The following NLRP2 variants were observed in gnomAD, a reference collection of about 807,000 sequenced individuals.
NLRP2 encodes the protein NLR family pyrin domain containing 2.
NLRP2 carries 107 observed loss-of-function variants against 97.2 expected under a neutral mutation model. The ratio of observed to expected loss-of-function variants is 1.10; its 90% confidence interval spans 0.94 to 1.29. The LOEUF (loss-of-function observed/expected upper bound fraction) is 1.29. NLRP2 is among the 50% of genes most tolerant of loss of function. The pLI, the probability that NLRP2 is intolerant of heterozygous loss-of-function variation, is 0.00. For missense variants in NLRP2, 1,495 were observed against 1,330.3 expected (o/e 1.12, Z -1.93); for synonymous variants, 663 against 551.5 (o/e 1.20, Z -2.83).
intron 2 of NLRP2, among the ~76,000 whole-genome samples, chr19:54,973,235 C>A (rs1366082422): frequency 6.6e-6 from 1 of 151,414 alleles, no homozygotes; most frequent in African/African-American, 2.4e-5. Flanking sequence ...CAATGGAATA[C>A]TCCTCAACCT....
intron 1 of NLRP2, among the ~76,000 whole-genome samples, chr19:54,967,446 C>T (rs993518392): frequency 5.3e-5 from 8 of 152,248 alleles, no homozygotes; most frequent in Admixed American, 3.9e-4. Flanking sequence ...CATACCATTG[C>T]TCTCCAGCCT....
At chr19:54,970,892 A>T (rs1369707710) in intron 2 of NLRP2, among the ~76,000 whole-genome samples, 2 of 142,894 alleles carry the variant, frequency 1.4e-5, no homozygotes, top group Non-Finnish European at 1.5e-5. Context: ...ACATATGTAT[A>T]CATGTGCCAT....
chr19:54,995,445 C>T (rs951588844), intron 11 of NLRP2, among the ~76,000 whole-genome samples: 1 of 151,524 alleles, frequency 6.6e-6, no homozygotes, highest in African/African-American at 2.4e-5. Flanking sequence ...CCACCGTGCC[C>T]AGCCAGTAGG....
At chr19:54,981,088 G>A (rs2071540348) in intron 4 of NLRP2, among the ~76,000 whole-genome samples, 1 of 152,170 alleles carries the variant, frequency 6.6e-6, no homozygotes, top group Admixed American at 6.6e-5. Context: ...TCCAGCCTGG[G>A]CAACAGAGTG....
At chr19:54,965,581 G>A (rs1412044001), upstream of NLRP2, among the ~76,000 whole-genome samples, 2 of 64,122 alleles carry the variant, frequency 3.1e-5, no homozygotes, top group African/African-American at 7.1e-5. Flanking sequence ...TCAGCCTCCC[G>A]AGTAGCTGGG....
In NLRP2 at chr19:54,983,485, A is replaced by G. The variant is rs1357420855; in HGVS notation, c.1787A>G (p.His596Arg). Residue 596 changes from histidine (H) to arginine (R), a missense_variant, in exon 6 of 13, where the codon CAT becomes CGT. By Grantham distance (29) the His-to-Arg change is conservative. Transcript: ENST00000448584. ...LRCDISCKGG[H>R]STVTDLQELL... is the part of the protein sequence containing the mutation. ...TGCGACATAAGTTGTAAGGGTGGAC[A>G]TTCAACGGTGACAGACCTGCAGGAG... 6.2e-7 allele frequency: 1 copy of G among 1,614,086 alleles called. No homozygotes were observed. The highest frequency in any genetic ancestry group is 1.3e-5 in the African/African-American group (1 of 74,934).
At position 54,981,661 on chromosome 19, in the gene NLRP2, G is replaced by T. The variant is rs746613108; in HGVS notation, c.442G>T (p.Val148Phe). 4 of 1,590,710 alleles carry T rather than the reference G, an allele frequency of 2.5e-6. No homozygotes were observed. The highest frequency in any genetic ancestry group is 3.5e-6 in the Non-Finnish European group (4 of 1,158,718). ...AAATGTCATCTGCCTGGGTAAAGAA[G>T]TCTTTAAAGGAAAAAAGCCAGGTCT... ...KGNVICLGKEVFKGKKPDKDN... is the reference protein window; with the variant it reads ...KGNVICLGKEFFKGKKPDKDN... Residue 148 changes from valine (V) to phenylalanine (F), a missense_variant, in exon 5 of 13, where the codon GTC becomes TTC. Transcript: ENST00000448584.
chr19:54,990,363 C>G, intron 9 of NLRP2, 139 bp from the exon 10 acceptor site: 1 of 1,104,866 alleles, frequency 9.1e-7, no homozygotes, highest in Non-Finnish European at 1.4e-6. Flanking sequence ...CATTCCTATT[C>G]CTTCATAGGA....
chr19:54,974,684 C>A (rs760672974), intron 3 of NLRP2, 140 bp downstream of exon 3: 1 of 696,932 alleles, frequency 1.4e-6, no homozygotes. Context: ...CGGAGCTGGT[C>A]TCGCAGGTGC....
intron 3 of NLRP2, among the ~76,000 whole-genome samples, chr19:54,975,521 G>T (rs1379149997): frequency 7.0e-6 from 1 of 142,490 alleles, no homozygotes; most frequent in African/African-American, 2.7e-5. Context: ...GCGTGATCTC[G>T]GCTCACTGCA....
At chr19:54,987,215 C>A (rs112831693) in intron 8 of NLRP2, among the ~76,000 whole-genome samples, 1 of 145,048 alleles carries the variant, frequency 6.9e-6, no homozygotes, top group African/African-American at 2.5e-5. Flanking sequence ...TATCTTCTAT[C>A]AGAGATCATT....
At position 54,986,005 on chromosome 19, in the gene NLRP2, G is replaced by GA. The variant is rs202015202; in HGVS notation, c.2202-136dup. The GA allele has an allele frequency of 6.5e-3, 4,099 of 631,004 alleles. 51 individuals carry two copies. Among genetic ancestry groups the GA allele is most frequent in the Admixed American group, 0.057 (2,339 of 41,056 alleles). 39.1% of individuals were successfully genotyped at this position (631,004 alleles called of 1,614,324 possible). ...CAACAGAGTGAGACTCCATCTCAAA[G>GA]AAAAAAAAAATCTGTAAAGATGGAC... On this transcript the variant is annotated intron_variant, in intron 7 of 12. Transcript: ENST00000448584.
intron 3 of NLRP2, among the ~76,000 whole-genome samples, 170 bp from the exon 4 acceptor site, chr19:54,977,582 C>T (rs554316650): frequency 6.6e-5 from 10 of 151,004 alleles, no homozygotes; most frequent in African/African-American, 1.9e-4. Flanking sequence ...GCACATAAAC[C>T]TGGGATCATG....
chr19:54,998,631 CT>C (rs1179005483), intron 12 of NLRP2, among the ~76,000 whole-genome samples: 1,553 of 60,692 alleles, frequency 0.026, 3 homozygotes, highest in Non-Finnish European at 0.033. Flanking sequence ...TTTTTTTTTC[CT>C]TTTTTTTTTT....
chr19:54,984,317 G>GTTTTTT (rs1304427798), intron 6 of NLRP2, among the ~76,000 whole-genome samples: 1 of 78,732 alleles, frequency 1.3e-5, no homozygotes, highest in African/African-American at 5.4e-5. Flanking sequence ...TTAAGTGGGG[G>GTTTTTT]TTTTTTTTTG....
At chr19:54,984,039 C>T (rs1255889362) in intron 6 of NLRP2, among the ~76,000 whole-genome samples, 7 of 152,104 alleles carry the variant, frequency 4.6e-5, no homozygotes, top group Non-Finnish European at 7.4e-5. Flanking sequence ...TCATTAGAGA[C>T]GGGATCTCAG....
At chr19:54,986,486 A>G in intron 8 of NLRP2, 171 bp downstream of exon 8, 1 of 678,854 alleles carries the variant, frequency 1.5e-6, no homozygotes, top group African/African-American at 1.8e-5. Flanking sequence ...ACTTGCCTTG[A>G]ACAGTAAACA....
chr19:54,998,652 T>TTTTTTTTTTA (rs2072995761), intron 12 of NLRP2, among the ~76,000 whole-genome samples: 1 of 110,272 alleles, frequency 9.1e-6, no homozygotes, highest in Non-Finnish European at 1.9e-5. Flanking sequence ...TTTTTTTTTT[T>TTTTTTTTTTA]ATTGATCATT....
chr19:54,983,434 CG>C lies in NLRP2; in HGVS notation c.1738del (p.Asp580ThrfsTer11). 1 of 1,614,150 alleles carries C rather than the reference CG, an allele frequency of 6.2e-7. No homozygotes were observed. The highest frequency in any genetic ancestry group is 1.7e-5 in the Admixed American group (1 of 59,998). On this transcript the variant is annotated frameshift_variant, in exon 6 of 13. Transcript: ENST00000448584. LOFTEE classifies it high-confidence loss of function. ...LEATFGCRMS[P>X]DIKQELLRCD... ...GCCACTTTTGGCTGCCGGATGTCAC[CG>C]GACATCAAACAGGAATTGCTGCGAT...
Sources: allele counts gnomAD v4.1 joint callset (sites outside exome capture counted in the v4.1 genomes callset), GRCh38; gene constraint gnomAD v4.1.1; transcripts MANE v1.5; gene names NCBI Gene and HGNC (gene_info 2026-07-23, HGNC 2026-07-21).